The following ZMYM2 variants were observed in gnomAD, a reference collection of about 807,000 sequenced individuals.
The protein encoded by ZMYM2 is zinc finger MYM-type containing 2.
In ZMYM2, 56 loss-of-function variants were observed where a neutral mutation model predicts 162.8. That is an observed-to-expected ratio of 0.34 (90% CI 0.28 to 0.43). The LOEUF (loss-of-function observed/expected upper bound fraction) is 0.43, where lower values mean the gene tolerates loss of function less well. ZMYM2 is among the 20% of genes least tolerant of loss of function. The pLI is 1.00. For missense variants in ZMYM2, 1,275 were observed against 1,621.8 expected, an observed-to-expected ratio of 0.79 and a Z score of 3.67; for synonymous variants, 510 against 541.6, an observed-to-expected ratio of 0.94 and a Z score of 0.81.
At chr13:20,058,553 G>A (rs748230455) in intron 14 of ZMYM2, 22 bp from the exon 15 acceptor site, 1 of 1,598,678 alleles carries the variant, frequency 6.3e-7, no homozygotes, top group East Asian at 2.2e-5. Context: ...AAATAAAAAT[G>A]TTTCTCTTTG....
At position 19,979,412 on chromosome 13, in the gene ZMYM2, C is replaced by T. The variant is rs1260823026; in HGVS notation, c.-10-13651C>T. Among the ~76,000 whole-genome samples, 8 of 144,104 alleles carry T rather than the reference C, an allele frequency of 5.6e-5. No homozygotes were observed. In the East Asian group the frequency reaches 8.1e-4, roughly 15 times the overall value. 94.5% of individuals were successfully genotyped at this position (144,104 alleles called of 152,430 possible). ...ACTTGTTGAGGGATAGAGCTGTTCA[C>T]GTGACTTTTTCTGCACTTTTTTTTT... On this transcript the variant is annotated intron_variant, in intron 2 of 24. Coordinates refer to ENST00000610343, the MANE Select transcript of ZMYM2 (RefSeq NM_197968.4).
chr13:19,939,636 A>G, the ZMYM2 span, among the ~76,000 whole-genome samples: 2 of 152,328 alleles, frequency 1.3e-5, no homozygotes, highest in East Asian at 3.9e-4. Context: ...AATTTGTGAC[A>G]GCAAAAAATT....
intron 12 of ZMYM2, among the ~76,000 whole-genome samples, chr13:20,046,588 T>G (rs1954820808): frequency 4.2e-5 from 1 of 23,614 alleles, no homozygotes; most frequent in Non-Finnish European, 2.9e-4. Flanking sequence ...TATATGTGTG[T>G]GTGTGTGTGT....
At chr13:20,083,804 A>T in intron 24 of ZMYM2, 28 bp downstream of exon 24, 1 of 1,586,906 alleles carries the variant, frequency 6.3e-7, no homozygotes, top group Non-Finnish European at 8.6e-7. Flanking sequence ...TTAACTTTTA[A>T]AAATGTTGGT....
intron 21 of ZMYM2, among the ~76,000 whole-genome samples, chr13:20,067,604 T>C (rs1476170520): frequency 1.3e-5 from 2 of 152,348 alleles, no homozygotes; most frequent in East Asian, 1.9e-4. Context: ...AGGCATGATA[T>C]GTAGCCACAT....
At chr13:19,929,536 C>G in the ZMYM2 span, among the ~76,000 whole-genome samples, 1 of 152,184 alleles carries the variant, frequency 6.6e-6, no homozygotes, top group African/African-American at 2.4e-5. Flanking sequence ...CCGCGCCCAG[C>G]CTTCTCCTTT....
the ZMYM2 span, among the ~76,000 whole-genome samples, chr13:19,951,919 A>T: frequency 6.6e-6 from 1 of 152,288 alleles, no homozygotes; most frequent in East Asian, 1.9e-4. Flanking sequence ...CAGTTCCTTC[A>T]GGTGGTGCCT....
At chr13:20,014,965 G>A (rs1302625169) in intron 6 of ZMYM2, among the ~76,000 whole-genome samples, 7 of 151,788 alleles carry the variant, frequency 4.6e-5, no homozygotes, top group African/African-American at 1.2e-4. Flanking sequence ...GGGTTTCACC[G>A]TGTTAGACTG....
chr13:20,045,088 C>T (rs896736316), intron 12 of ZMYM2, among the ~76,000 whole-genome samples: 18 of 138,510 alleles, frequency 1.3e-4, no homozygotes, highest in African/African-American at 4.7e-4. Flanking sequence ...TGAAGACAGA[C>T]ATTATCATGA....
chr13:19,958,030 G>T (rs542532039), upstream of ZMYM2, among the ~76,000 whole-genome samples: 32 of 152,368 alleles, frequency 2.1e-4, no homozygotes, highest in African/African-American at 7.2e-4. Flanking sequence ...TCCCACAGTC[G>T]TTCCGACAAA....
the ZMYM2 span, among the ~76,000 whole-genome samples, chr13:19,868,284 A>G: frequency 5.3e-5 from 8 of 152,252 alleles, no homozygotes; most frequent in Non-Finnish European, 1.0e-4. Context: ...GCACAGTCAG[A>G]GATTAAAGCT....
chr13:19,947,340 G>T, the ZMYM2 span, among the ~76,000 whole-genome samples: 1 of 152,160 alleles, frequency 6.6e-6, no homozygotes, highest in African/African-American at 2.4e-5. Flanking sequence ...GATTACAGGC[G>T]TGAGCCACCA....
At chr13:19,926,207 C>T in the ZMYM2 span, among the ~76,000 whole-genome samples, 1 of 151,494 alleles carries the variant, frequency 6.6e-6, no homozygotes, top group South Asian at 2.1e-4. Flanking sequence ...GTGTTCCACC[C>T]ACCTCGGCCT....
At chr13:19,909,836 C>T in the ZMYM2 span, among the ~76,000 whole-genome samples, 3 of 152,078 alleles carry the variant, frequency 2.0e-5, no homozygotes, top group Non-Finnish European at 4.4e-5. Context: ...TCTCGTGTTT[C>T]TAATTTATAC....
chr13:19,914,484 A>G, the ZMYM2 span, among the ~76,000 whole-genome samples: 9 of 152,360 alleles, frequency 5.9e-5, no homozygotes, highest in Admixed American at 3.9e-4. Context: ...CCAGCAGCAG[A>G]GACCAACACT....
At chr13:19,939,507 T>C in the ZMYM2 span, among the ~76,000 whole-genome samples, 2 of 152,200 alleles carry the variant, frequency 1.3e-5, no homozygotes, top group Non-Finnish European at 2.9e-5. Context: ...CAACTGTCAA[T>C]AAATGAAAGT....
intron 21 of ZMYM2, among the ~76,000 whole-genome samples, chr13:20,075,171 G>A (rs1217751116): frequency 6.6e-6 from 1 of 152,194 alleles, no homozygotes; most frequent in African/African-American, 2.4e-5. Context: ...TTTTGGAAAA[G>A]TGTGCATATT....
intron 9 of ZMYM2, among the ~76,000 whole-genome samples, chr13:20,029,058 G>T (rs1400498217): frequency 6.6e-6 from 1 of 152,116 alleles, no homozygotes; most frequent in East Asian, 1.9e-4. Flanking sequence ...TAAGATAACA[G>T]GATAGTATTC....
the ZMYM2 span, among the ~76,000 whole-genome samples, chr13:19,867,116 G>C: frequency 2.6e-5 from 4 of 152,298 alleles, no homozygotes; most frequent in East Asian, 7.7e-4. Context: ...ACTTTGGGAA[G>C]CTGAGGCGGG....
Sources: gnomAD v4.1 joint callset for allele counts (sites outside exome capture counted in the v4.1 genomes callset) on GRCh38, gnomAD v4.1.1 for gene constraint, MANE v1.5 for transcripts, NCBI Gene and HGNC (gene_info 2026-07-23, HGNC 2026-07-21) for gene names.